RNF13: variants seen among roughly 807,000 people sequenced by gnomAD.
The protein encoded by RNF13 is E3 ubiquitin-protein ligase RNF13.
In RNF13, 19 loss-of-function variants were observed where a neutral mutation model predicts 37.7. That is an observed-to-expected ratio of 0.50 (90% confidence interval 0.35 to 0.74). RNF13 has a LOEUF of 0.74. RNF13 is among the 30% of genes least tolerant of loss of function. RNF13 has a pLI of 0.01. For missense variants in RNF13, 375 were observed against 453.0 expected (o/e 0.83, Z 1.56); for synonymous variants, 144 against 157.8 (o/e 0.91, Z 0.65).
At chr3:149,847,009 G>A (rs1276320190) in intron 2 of RNF13, among the ~76,000 whole-genome samples, 3 of 152,116 alleles carry the variant, frequency 2.0e-5, no homozygotes, top group African/African-American at 7.2e-5. Flanking sequence ...CCACACTGGG[G>A]AGTATACAGA....
chr3:149,925,539 C>A (rs111507432), intron 8 of RNF13, among the ~76,000 whole-genome samples: 1 of 152,206 alleles, frequency 6.6e-6, no homozygotes, highest in East Asian at 1.9e-4. Context: ...GAAATTTATA[C>A]ACTTAGTTGC....
At chr3:149,845,720 A>G (rs183743095) in intron 1 of RNF13, 1 of 197,396 alleles carries the variant, frequency 5.1e-6, no homozygotes, top group Admixed American at 6.0e-5. Flanking sequence ...AATTTGGGTT[A>G]GTAAGACAAG....
intron 7 of RNF13, among the ~76,000 whole-genome samples, chr3:149,915,241 C>T (rs1048812291): frequency 1.3e-5 from 2 of 151,968 alleles, no homozygotes; most frequent in Non-Finnish European, 2.9e-5. Flanking sequence ...AAATTTTGTC[C>T]TTACATCTCT....
At chr3:149,835,667 T>TTTG (rs1553751537) in intron 1 of RNF13, among the ~76,000 whole-genome samples, 367 of 88,040 alleles carry the variant, frequency 4.2e-3, no homozygotes, top group Non-Finnish European at 6.4e-3. Context: ...GTGTGTGTGT[T>TTTG]TGTGTGTGTG....
chr3:149,881,462 C>T (rs1334820896), intron 4 of RNF13, among the ~76,000 whole-genome samples: 1 of 152,122 alleles, frequency 6.6e-6, no homozygotes, highest in Non-Finnish European at 1.5e-5. Context: ...TCCTGAGTAG[C>T]TGATATTACA....
chr3:149,854,447 GA>G (rs1723447596), intron 3 of RNF13, among the ~76,000 whole-genome samples: 1 of 151,922 alleles, frequency 6.6e-6, no homozygotes, highest in Admixed American at 6.6e-5. Context: ...ATAAACTTAT[GA>G]ACATGTATAA....
intron 1 of RNF13, among the ~76,000 whole-genome samples, chr3:149,842,405 GCCCTT>G (rs1334916713): frequency 2.0e-5 from 3 of 152,082 alleles, no homozygotes; most frequent in Admixed American, 6.6e-5. Context: ...GCTATGTTAA[GCCCTT>G]CTGTGCATAA....
intron 8 of RNF13, among the ~76,000 whole-genome samples, chr3:149,924,913 A>AC (rs1462861462): frequency 6.6e-6 from 1 of 152,156 alleles, no homozygotes; most frequent in Non-Finnish European, 1.5e-5. Context: ...AAAAAGGTGA[A>AC]CTGGCCTTAG....
intron 4 of RNF13, among the ~76,000 whole-genome samples, chr3:149,883,840 C>G (rs1020959999): frequency 1.3e-5 from 2 of 152,158 alleles, no homozygotes; most frequent in African/African-American, 4.8e-5. Flanking sequence ...AGCTATTCTT[C>G]TGATGCTCTC....
intron 8 of RNF13, among the ~76,000 whole-genome samples, chr3:149,946,211 A>G (rs556268312): frequency 6.6e-6 from 1 of 152,366 alleles, no homozygotes; most frequent in Admixed American, 6.5e-5. Flanking sequence ...CCAGTGTAGC[A>G]AAGTCCTTAA....
chr3:149,942,806 T>G lies in RNF13; in HGVS notation c.701-17250T>G, dbSNP rs577225364. Among the ~76,000 whole-genome samples the G allele has an allele frequency of 3.3e-5, 5 of 152,306 alleles. No individual in the cohort carries two copies. In the South Asian group the frequency reaches 1.0e-3, roughly 32 times the overall value. ...CTTAGAGGGAAAGTTTCAGTCTTCT[T>G]TTGTTGACTATGATGTTAAATGTAG... On this transcript the variant is annotated intron_variant, in intron 8 of 9. Coordinates refer to ENST00000392894, the MANE Select transcript of RNF13 (RefSeq NM_183381.3).
chr3:149,879,786 T>C (rs1466596799), intron 4 of RNF13, among the ~76,000 whole-genome samples: 1 of 152,236 alleles, frequency 6.6e-6, no homozygotes, highest in Non-Finnish European at 1.5e-5. Flanking sequence ...ATTTTTTATC[T>C]TGTGTTTATA....
Position 149,939,840 on chromosome 3 carries a change from G to A in RNF13, c.700+18613G>A, listed in dbSNP as rs116387414. On this transcript the variant is annotated intron_variant, in intron 8 of 9. Transcript: ENST00000392894. ...TTAGGTGGGAGAGAAGGTGGACAGA[G>A]ATAAACGACTGCTGCTCCAGAGAAC... 879 of 493,896 alleles carry A rather than the reference G, an allele frequency of 1.8e-3. 6 individuals are homozygous for A. The highest frequency in any genetic ancestry group is 0.015 in the African/African-American group (775 of 51,504). The allele number at this position is 493,896 out of a possible 1,614,324, so 30.6% of individuals were successfully genotyped here.
chr3:149,920,469 A>G (rs190818504), intron 7 of RNF13, among the ~76,000 whole-genome samples: 5 of 152,150 alleles, frequency 3.3e-5, no homozygotes, highest in Non-Finnish European at 7.4e-5. Context: ...CTGGCCTCAA[A>G]CAGTCCTCCC....
chr3:149,825,360 C>T (rs896567270), intron 1 of RNF13, among the ~76,000 whole-genome samples: 73 of 152,268 alleles, frequency 4.8e-4, no homozygotes, highest in African/African-American at 1.8e-3. Context: ...GACAGGGTTT[C>T]ACCATGTTGT....
At chr3:149,899,661 G>A (rs1715621964) in intron 5 of RNF13, among the ~76,000 whole-genome samples, 1 of 152,160 alleles carries the variant, frequency 6.6e-6, no homozygotes, top group Non-Finnish European at 1.5e-5. Context: ...TGGAGTATTA[G>A]TAGTTAAAGT....
In RNF13 at chr3:149,961,624, TTC is replaced by T. The variant is rs1412608187; in HGVS notation, c.*522_*523del. On this transcript the variant is annotated 3_prime_UTR_variant, in exon 10 of 10. Transcript: ENST00000392894. Reference sequence around the variant, plus strand: ...AGAAACTCAAAGCTGTTTTTTCCCTTTCTGTTCCAAAGCAGTCTTATCCTGAC... The same window carrying T: ...AGAAACTCAAAGCTGTTTTTTCCCTTTGTTCCAAAGCAGTCTTATCCTGAC... The T allele has an allele frequency of 7.2e-6, 2 of 277,618 alleles. No individual in the cohort carries two copies. The highest frequency in any genetic ancestry group is 4.5e-5 in the African/African-American group (2 of 44,110). The allele number at this position is 277,618 out of a possible 1,614,324, so 17.2% of individuals were successfully genotyped here. A position where few individuals can be genotyped will look rare whatever the true frequency, so the allele number is the denominator to read the frequency against.
At chr3:149,907,207 A>G (rs1716507742) in intron 6 of RNF13, among the ~76,000 whole-genome samples, 1 of 152,090 alleles carries the variant, frequency 6.6e-6, no homozygotes, top group African/African-American at 2.4e-5. Flanking sequence ...AAATAGTTTT[A>G]TCTTTTCCTT....
intron 3 of RNF13, among the ~76,000 whole-genome samples, chr3:149,854,365 A>C (rs1222767044): frequency 6.6e-6 from 1 of 152,180 alleles, no homozygotes; most frequent in East Asian, 1.9e-4. Context: ...TCAGAGTTAA[A>C]TATTATCAGT....
Sources: gnomAD v4.1 joint callset for allele counts (sites outside exome capture counted in the v4.1 genomes callset) on GRCh38, gnomAD v4.1.1 for gene constraint, MANE v1.5 for transcripts, NCBI Gene and HGNC (gene_info 2026-07-23, HGNC 2026-07-21) for gene names.